The following MEIKIN variants were observed in gnomAD, a reference collection of about 807,000 sequenced individuals.
MEIKIN encodes the protein meiotic kinetochore factor.
intron 9 of MEIKIN, among the ~76,000 whole-genome samples, chr5:131,864,673 T>C (rs1018258283): frequency 1.3e-5 from 2 of 152,244 alleles, no homozygotes; most frequent in Admixed American, 1.3e-4. Context: ...CTTAGACAGT[T>C]TGACTACAAT....
intron 8 of MEIKIN, among the ~76,000 whole-genome samples, chr5:131,890,976 C>A (rs1291143711): frequency 2.6e-5 from 4 of 152,082 alleles, no homozygotes; most frequent in African/African-American, 7.2e-5. Context: ...CGTTATGTAC[C>A]CAGTAGTCAT....
At chr5:131,907,413 G>A (rs1486760292) in intron 8 of MEIKIN, among the ~76,000 whole-genome samples, 1 of 151,660 alleles carries the variant, frequency 6.6e-6, no homozygotes, top group Non-Finnish European at 1.5e-5. Context: ...TGACAAACCT[G>A]TAGCCAGACT....
rs548798614 is a variant in MEIKIN, at chr5:131,918,850, C to T, written c.599-1925G>A. ...CACGGCTGTGACACCTAGAGTTTAG[C>T]AACCACCTTGCAACTATGGGGAACA... On this transcript the variant is annotated intron_variant, in intron 6 of 12. Transcript: ENST00000442687. Among the ~76,000 whole-genome samples the T allele has an allele frequency of 2.0e-5, 3 of 152,290 alleles. No homozygotes were observed. The East Asian group carries it at 5.8e-4, about 29-fold the overall frequency.
intron 11 of MEIKIN, among the ~76,000 whole-genome samples, chr5:131,829,429 G>A (rs933812310): frequency 7.2e-5 from 11 of 152,098 alleles, no homozygotes; most frequent in South Asian, 2.1e-4. Context: ...ATGATGGTAC[G>A]AGGAGATCCT....
chr5:131,844,125 G>A (rs1170821614), intron 11 of MEIKIN, among the ~76,000 whole-genome samples: 1 of 152,054 alleles, frequency 6.6e-6, no homozygotes, highest in Non-Finnish European at 1.5e-5. Context: ...TAGATCTCGT[G>A]AGCATTCACT....
intron 11 of MEIKIN, among the ~76,000 whole-genome samples, chr5:131,830,129 C>A (rs1047785196): frequency 6.6e-6 from 1 of 152,170 alleles, no homozygotes; most frequent in Admixed American, 6.5e-5. Context: ...GTGACTCATC[C>A]CTGTAATACC....
chr5:131,904,214 T>C (rs761465840), intron 8 of MEIKIN, among the ~76,000 whole-genome samples: 1 of 152,110 alleles, frequency 6.6e-6, no homozygotes, highest in Non-Finnish European at 1.5e-5. Flanking sequence ...AACCACAGAA[T>C]AATAATGGGA....
chr5:131,868,690 A>G (rs1266522547), intron 9 of MEIKIN, among the ~76,000 whole-genome samples: 1 of 149,330 alleles, frequency 6.7e-6, no homozygotes, highest in Non-Finnish European at 1.5e-5. Flanking sequence ...CTCCCATCTC[A>G]GCCTCCCGAC....
chr5:131,905,501 G>A lies in MEIKIN; in HGVS notation c.703+6314C>T, dbSNP rs183055104. The stretch of plus-strand genomic sequence containing the variant: ...CATACAAAACATCAATGAATCAGGG[G>A]CTACTTCTCTAAAAGAATTAATCTG... On this transcript the variant is annotated intron_variant, in intron 8 of 12. Transcript: ENST00000442687. 8.6e-5 allele frequency among the ~76,000 whole-genome samples: 13 copies of A among 151,940 alleles called. No individual in the cohort carries two copies. In the East Asian group the frequency reaches 2.5e-3, roughly 29 times the overall value.
chr5:131,813,824 G>A (rs1773050013), intron 12 of MEIKIN, among the ~76,000 whole-genome samples: 1 of 152,052 alleles, frequency 6.6e-6, no homozygotes, highest in South Asian at 2.1e-4. Context: ...CTGAAGGACA[G>A]AACTAATACA....
intron 11 of MEIKIN, among the ~76,000 whole-genome samples, chr5:131,848,228 C>T (rs1451082824): frequency 6.6e-6 from 1 of 151,954 alleles, no homozygotes; most frequent in African/African-American, 2.4e-5. Context: ...GAAAATCAAT[C>T]AAACCAAAAT....
chr5:131,844,658 G>A (rs1238437975), intron 11 of MEIKIN, among the ~76,000 whole-genome samples: 1 of 152,134 alleles, frequency 6.6e-6, no homozygotes, highest in East Asian at 1.9e-4. Flanking sequence ...ACTATCTGAG[G>A]CCAGTAAAAG....
chr5:131,893,359 C>G (rs372176538), intron 8 of MEIKIN, among the ~76,000 whole-genome samples: 8 of 152,210 alleles, frequency 5.3e-5, no homozygotes, highest in African/African-American at 1.9e-4. Context: ...TAGCAATGAG[C>G]AAGGCTCCAT....
At chr5:131,902,798 T>C (rs907476823) in intron 8 of MEIKIN, among the ~76,000 whole-genome samples, 2 of 152,126 alleles carry the variant, frequency 1.3e-5, no homozygotes, top group African/African-American at 2.4e-5. Flanking sequence ...TTGTTAACCA[T>C]GCTGAGATGG....
chr5:131,864,097 C>T (rs972419198), intron 9 of MEIKIN, among the ~76,000 whole-genome samples: 1 of 152,056 alleles, frequency 6.6e-6, no homozygotes, highest in African/African-American at 2.4e-5. Context: ...ATAGTTGAAT[C>T]ATGTTTTTTT....
chr5:131,891,168 T>C (rs1271321126), intron 8 of MEIKIN, among the ~76,000 whole-genome samples: 2 of 152,202 alleles, frequency 1.3e-5, no homozygotes, highest in South Asian at 2.1e-4. Context: ...AGGTGTGGTG[T>C]GGTGCTGAAA....
At chr5:131,840,958 T>A (rs746061263) in intron 11 of MEIKIN, among the ~76,000 whole-genome samples, 3 of 152,228 alleles carry the variant, frequency 2.0e-5, no homozygotes, top group Non-Finnish European at 4.4e-5. Flanking sequence ...ATGCGCTGGT[T>A]CTTTCTCATC....
Position 131,939,403 on chromosome 5 carries a change from T to C in MEIKIN, c.349+3232A>G, listed in dbSNP as rs534360266. On this transcript the variant is annotated intron_variant, in intron 4 of 12. Coordinates refer to ENST00000442687, the MANE Select transcript of MEIKIN (RefSeq NM_001303622.2). The stretch of plus-strand genomic sequence containing the variant: ...TTTTTTTAAGATCTGTTAGGTCAAT[T>C]ATAATTCATTAATCTACCTTCCACA... Among the ~76,000 whole-genome samples the C allele has an allele frequency of 2.0e-5, 3 of 152,160 alleles. No individual in the cohort carries two copies. The East Asian group carries it at 5.8e-4, about 29-fold the overall frequency.
At chr5:131,917,005 A>G in intron 6 of MEIKIN, 80 bp from the exon 7 acceptor site, 1 of 389,918 alleles carries the variant, frequency 2.6e-6, no homozygotes, top group Non-Finnish European at 4.5e-6. Context: ...TTTTCCCCCA[A>G]GTGCAGTTCA....
Sources: gnomAD v4.1 joint callset for allele counts (sites outside exome capture counted in the v4.1 genomes callset) on GRCh38, gnomAD v4.1.1 for gene constraint, MANE v1.5 for transcripts, NCBI Gene and HGNC (gene_info 2026-07-23, HGNC 2026-07-21) for gene names.